Variants in PCDHGB7 observed in about 807,000 individuals in gnomAD.
PCDHGB7 encodes the protein protocadherin gamma-B7.
A neutral mutation model predicts 61.4 loss-of-function variants in PCDHGB7; 37 were observed. That is an observed-to-expected ratio of 0.60 (90% CI 0.46 to 0.79). The LOEUF (loss-of-function observed/expected upper bound fraction) is 0.79. Ranked by LOEUF, PCDHGB7 falls within the 30% of genes least tolerant of loss-of-function variation. The pLI is 0.00. For missense variants in PCDHGB7, 1,166 were observed against 1,202.5 expected, an observed-to-expected ratio of 0.97 and a Z score of 0.45; for synonymous variants, 464 against 503.5, an observed-to-expected ratio of 0.92 and a Z score of 1.05.
chr5:141,432,686 G>A lies in PCDHGB7; in HGVS notation c.2415+12412G>A. On this transcript the variant is annotated intron_variant, in intron 1 of 3. Transcript: ENST00000398594. The surrounding 1 kb of genome is among the most constrained non-coding windows in gnomAD (Gnocchi z 6.0). The stretch of plus-strand genomic sequence containing the variant: ...CAGAGACGCGCTCAAGCAGAGCCTC[G>A]TAGTGGCCGTCCAGGACCACGGCCA... 2 of 1,613,922 alleles carry A rather than the reference G, an allele frequency of 1.2e-6. No homozygotes were observed. The highest frequency in any genetic ancestry group is 1.7e-5 in the Admixed American group (1 of 60,020).
At chr5:141,483,333 C>G (rs566443186) in intron 1 of PCDHGB7, among the ~76,000 whole-genome samples, 1 of 152,096 alleles carries the variant, frequency 6.6e-6, no homozygotes, top group East Asian at 1.9e-4. Context: ...GCAAAGAGAT[C>G]TTATCTCTTT....
intron 2 of PCDHGB7, among the ~76,000 whole-genome samples, chr5:141,503,295 T>C (rs567706089): frequency 6.6e-6 from 1 of 152,070 alleles, no homozygotes; most frequent in Non-Finnish European, 1.5e-5. Context: ...TACATAGAAA[T>C]TGCTCAAGAA....
At chr5:141,427,882 A>G (rs2097084180) in intron 1 of PCDHGB7, 3 of 1,563,878 alleles carry the variant, frequency 1.9e-6, no homozygotes, top group Non-Finnish European at 2.6e-6. Flanking sequence ...ATGCAGGCCC[A>G]CGACCAGGGC....
In PCDHGB7 at chr5:141,491,158, GA is replaced by G; in HGVS notation, c.2416-3648del. On this transcript the variant is annotated intron_variant, in intron 1 of 3. Transcript: ENST00000398594. This position sits in a 1 kb window ranked among gnomAD's most constrained non-coding sequence, Gnocchi z 6.9. ...CCGGGCCTTACTGGAGGATGACTCT[GA>G]CACCCAGCAGGTGGTGGTCCTGGTG... 6.2e-7 allele frequency: 1 copy of G among 1,614,130 alleles called. No homozygotes were observed. The highest frequency in any genetic ancestry group is 8.5e-7 in the Non-Finnish European group (1 of 1,179,972).
In PCDHGB7 at chr5:141,478,301, G is replaced by C. The variant is rs778427815; in HGVS notation, c.2416-16506G>C. ...GAAGCAGTCTAGAGACCTATACCGA[G>C]CCCCGGTGAGCTCACTGTACCGAAC... On this transcript the variant is annotated intron_variant, in intron 1 of 3. Coordinates refer to ENST00000398594, the MANE Select transcript of PCDHGB7 (RefSeq NM_018927.4). 2.5e-6 allele frequency: 4 copies of C among 1,614,074 alleles called. No individual in the cohort carries two copies. In the South Asian group the frequency reaches 4.4e-5, roughly 18 times the overall value.
chr5:141,427,150 T>C (rs570999921), intron 1 of PCDHGB7: 6 of 456,866 alleles, frequency 1.3e-5, no homozygotes, highest in African/African-American at 4.0e-5. Flanking sequence ...ATTGGAAATA[T>C]GTTTGTGCTA....
intron 1 of PCDHGB7, chr5:141,478,053 T>A (rs1461280529): frequency 1.2e-6 from 2 of 1,614,010 alleles, no homozygotes; most frequent in Non-Finnish European, 1.7e-6. Context: ...ACTCTCACGG[T>A]CTTGATCAAA....
intron 1 of PCDHGB7, chr5:141,430,541 C>T: frequency 2.5e-6 from 1 of 392,344 alleles, no homozygotes; most frequent in Non-Finnish European, 4.5e-6. Flanking sequence ...ACTCTGAGCG[C>T]CGCTGTTCAC....
intron 1 of PCDHGB7, among the ~76,000 whole-genome samples, chr5:141,464,912 T>A (rs1303305860): frequency 2.6e-5 from 4 of 152,092 alleles, no homozygotes; most frequent in Non-Finnish European, 5.9e-5. Context: ...CTAATTTTTT[T>A]ATTTTTTTGT....
chr5:141,419,543 G>T lies in PCDHGB7; in HGVS notation c.1684G>T (p.Val562Leu), dbSNP rs573594140. 1 of 1,612,106 alleles carries T rather than the reference G, an allele frequency of 6.2e-7. No homozygotes were observed. The highest frequency in any genetic ancestry group is 2.2e-5 in the East Asian group (1 of 44,878). ...CGACCGTAACGACAACGCACCGCGG[G>T]TGCTGTACCCTGCGCTGGGTCCCGA... ...VGDRNDNAPR[V>L]LYPALGPDGS... Residue 562 changes from valine to leucine, a missense_variant, in exon 1 of 4, where the codon GTG becomes TTG. Transcript: ENST00000398594.
At chr5:141,466,077 A>G (rs1220036084) in intron 1 of PCDHGB7, among the ~76,000 whole-genome samples, 2 of 152,108 alleles carry the variant, frequency 1.3e-5, no homozygotes, top group Non-Finnish European at 2.9e-5. Context: ...AGCTGATATC[A>G]TGCCACTGCA....
intron 1 of PCDHGB7, among the ~76,000 whole-genome samples, chr5:141,463,518 G>T (rs537466389): frequency 7.2e-6 from 1 of 139,068 alleles, no homozygotes; most frequent in African/African-American, 2.8e-5. Context: ...GCGTGATCTC[G>T]GCTTACTAGA....
chr5:141,472,878 C>G (rs774209715), intron 1 of PCDHGB7, among the ~76,000 whole-genome samples: 1 of 146,132 alleles, frequency 6.8e-6, no homozygotes, highest in East Asian at 2.1e-4. Context: ...CCCAGCTACT[C>G]GGGAGGCTGA....
chr5:141,421,054 A>G, intron 1 of PCDHGB7: 3 of 571,978 alleles, frequency 5.2e-6, no homozygotes, highest in Non-Finnish European at 9.0e-6. Context: ...CGCCTCTACC[A>G]CACAAAGCGG....
chr5:141,449,930 A>G (rs1353778264), intron 1 of PCDHGB7, among the ~76,000 whole-genome samples: 1 of 151,614 alleles, frequency 6.6e-6, no homozygotes, highest in East Asian at 1.9e-4. Context: ...ACCATACCTT[A>G]TAGTATATTT....
At chr5:141,451,004 T>A (rs2098704048) in intron 1 of PCDHGB7, among the ~76,000 whole-genome samples, 1 of 151,474 alleles carries the variant, frequency 6.6e-6, no homozygotes, top group South Asian at 2.1e-4. Flanking sequence ...TTTTTGTATT[T>A]TTTTTAGTAG....
Position 141,432,089 on chromosome 5 carries a change from G to A in PCDHGB7, c.2415+11815G>A, listed in dbSNP as rs1325165974. On this transcript the variant is annotated intron_variant, in intron 1 of 3. Transcript: ENST00000398594. The surrounding 1 kb of genome is among the most constrained non-coding windows in gnomAD (Gnocchi z 6.0). Reference sequence around the variant, plus strand: ...AACTCATATCTCGCTGAACGTGGCAGACACCAACGACAACCCGCCGGTCTT... The same window carrying A: ...AACTCATATCTCGCTGAACGTGGCAAACACCAACGACAACCCGCCGGTCTT... The A allele has an allele frequency of 6.2e-7, 1 of 1,614,046 alleles. No homozygotes were observed. Among genetic ancestry groups the A allele is most frequent in the Non-Finnish European group, 8.5e-7 (1 of 1,180,052 alleles).
intron 2 of PCDHGB7, among the ~76,000 whole-genome samples, chr5:141,500,739 C>T (rs1199462920): frequency 6.6e-6 from 1 of 152,114 alleles, no homozygotes; most frequent in Non-Finnish European, 1.5e-5. Context: ...CAAAATTCTT[C>T]CCAAGTCATT....
At chr5:141,470,388 T>C (rs1234907080) in intron 1 of PCDHGB7, among the ~76,000 whole-genome samples, 4 of 152,198 alleles carry the variant, frequency 2.6e-5, no homozygotes, top group African/African-American at 9.6e-5. Flanking sequence ...TACTCGATGA[T>C]ATTTAGGATT....
Sources: gnomAD v4.1 joint callset for allele counts (sites outside exome capture counted in the v4.1 genomes callset) on GRCh38, gnomAD v4.1.1 for gene constraint, Gnocchi (gnomAD v3.1) non-coding constraint, MANE v1.5 for transcripts, NCBI Gene and HGNC (gene_info 2026-07-23, HGNC 2026-07-21) for gene names.